DEPTOR: variants seen among roughly 807,000 people sequenced by gnomAD.
The protein encoded by DEPTOR is DEP domain-containing mTOR-interacting protein.
In DEPTOR, 41 loss-of-function variants were observed where a neutral mutation model predicts 41.6. That is an observed-to-expected ratio of 0.98 (90% CI 0.77 to 1.28). The LOEUF (loss-of-function observed/expected upper bound fraction) is 1.28, where lower values mean the gene tolerates loss of function less well. Ranked by LOEUF, DEPTOR falls within the 50% of genes most tolerant of loss-of-function variation. The pLI, the probability that DEPTOR is intolerant of heterozygous loss-of-function variation, is 0.00. For synonymous variants in DEPTOR, 195 were observed against 192.3 expected (o/e 1.01, Z -0.12); for missense variants, 514 against 527.9 (o/e 0.97, Z 0.26).
chr8:119,960,040 C>T (rs1828470338), intron 3 of DEPTOR, among the ~76,000 whole-genome samples: 1 of 151,808 alleles, frequency 6.6e-6, no homozygotes, highest in African/African-American at 2.4e-5. Context: ...CCAGCCTAGC[C>T]AACATGGTGA....
chr8:119,992,240 C>T (rs1047850640), intron 4 of DEPTOR, among the ~76,000 whole-genome samples: 3 of 152,194 alleles, frequency 2.0e-5, no homozygotes, highest in Non-Finnish European at 4.4e-5. Context: ...GCCCCAGCCA[C>T]CCTTGTGCAC....
chr8:119,982,464 G>A (rs1057269923), intron 4 of DEPTOR, among the ~76,000 whole-genome samples: 3 of 152,160 alleles, frequency 2.0e-5, no homozygotes, highest in Non-Finnish European at 4.4e-5. Flanking sequence ...ATGCTAGCTG[G>A]GTTGTGTTTA....
chr8:119,903,373 C>T (rs1267960626), intron 1 of DEPTOR, among the ~76,000 whole-genome samples: 1 of 152,194 alleles, frequency 6.6e-6, no homozygotes, highest in African/African-American at 2.4e-5. Flanking sequence ...GCTGGGATTA[C>T]AGGCGTGAGC....
chr8:120,029,335 C>CAAGGAGGGCAATATCTTATTAATTCAAA (rs1812849772), intron 8 of DEPTOR, among the ~76,000 whole-genome samples: 1 of 152,102 alleles, frequency 6.6e-6, no homozygotes, highest in Non-Finnish European at 1.5e-5. Flanking sequence ...GAGGAAGGTT[C>CAAGGAGGGCAATATCTTATTAATTCAAA]AAGGAGGGCA....
chr8:119,921,538 A>G (rs1827893634), intron 1 of DEPTOR, among the ~76,000 whole-genome samples: 3 of 152,138 alleles, frequency 2.0e-5, no homozygotes, highest in Non-Finnish European at 4.4e-5. Flanking sequence ...GTTCTAGGCT[A>G]TATCCTGGAT....
chr8:120,037,494 C>T (rs1812996277), intron 8 of DEPTOR, among the ~76,000 whole-genome samples: 1 of 152,200 alleles, frequency 6.6e-6, no homozygotes, highest in Non-Finnish European at 1.5e-5. Flanking sequence ...CCATCAGTCA[C>T]TGTGACAAAT....
intron 3 of DEPTOR, among the ~76,000 whole-genome samples, chr8:119,948,795 A>G (rs894383665): frequency 6.6e-6 from 1 of 150,548 alleles, no homozygotes; most frequent in Non-Finnish European, 1.5e-5. Flanking sequence ...ATTTTTATTT[A>G]TTTTTTTTTG....
At chr8:119,975,478 C>G (rs1294505321) in intron 4 of DEPTOR, among the ~76,000 whole-genome samples, 4 of 152,064 alleles carry the variant, frequency 2.6e-5, no homozygotes. Context: ...GATTTAGAGT[C>G]AAGGAGCACA....
At chr8:119,949,160 C>T (rs1390099539) in intron 3 of DEPTOR, among the ~76,000 whole-genome samples, 2 of 152,174 alleles carry the variant, frequency 1.3e-5, no homozygotes, top group African/African-American at 2.4e-5. Flanking sequence ...TCTTCTTTCA[C>T]TTGGTATAAT....
At chr8:119,952,853 T>C (rs768210846) in intron 3 of DEPTOR, among the ~76,000 whole-genome samples, 3 of 152,210 alleles carry the variant, frequency 2.0e-5, no homozygotes, top group Non-Finnish European at 4.4e-5. Context: ...GTGTCTGATA[T>C]GCAGGCTGGT....
intron 4 of DEPTOR, among the ~76,000 whole-genome samples, chr8:119,978,316 T>C (rs1170292681): frequency 6.6e-6 from 1 of 152,190 alleles, no homozygotes; most frequent in Non-Finnish European, 1.5e-5. Flanking sequence ...AAGTGGTCAT[T>C]TTCAGTGGGG....
intron 1 of DEPTOR, among the ~76,000 whole-genome samples, chr8:119,918,967 A>G (rs72673629): frequency 0.36 from 36,739 of 103,368 alleles, 5,500 homozygotes; most frequent in African/African-American, 0.56. Context: ...GTGTGTGTGT[A>G]TGTGTATGTG....
intron 4 of DEPTOR, among the ~76,000 whole-genome samples, chr8:119,987,047 A>C (rs1200872115): frequency 6.6e-6 from 1 of 151,940 alleles, no homozygotes. Context: ...TGTCAAACTC[A>C]TTCTCCATCC....
chr8:119,977,799 A>G (rs1563580107), intron 4 of DEPTOR, among the ~76,000 whole-genome samples: 1 of 152,152 alleles, frequency 6.6e-6, no homozygotes, highest in Non-Finnish European at 1.5e-5. Flanking sequence ...AGTGTTATGC[A>G]CACAGACGAG....
At chr8:119,896,419 G>A (rs1827520627) in intron 1 of DEPTOR, among the ~76,000 whole-genome samples, 1 of 152,204 alleles carries the variant, frequency 6.6e-6, no homozygotes, top group African/African-American at 2.4e-5. Flanking sequence ...GAGTGTGGCG[G>A]TCAGAGGCGG....
chr8:119,947,025 A>G (rs1672212579), intron 3 of DEPTOR, among the ~76,000 whole-genome samples: 1 of 152,290 alleles, frequency 6.6e-6, no homozygotes, highest in East Asian at 1.9e-4. Flanking sequence ...TCACTTGTTC[A>G]TGCTACTTTA....
intron 3 of DEPTOR, among the ~76,000 whole-genome samples, chr8:119,947,318 G>T (rs146680515): frequency 3.6e-4 from 55 of 152,232 alleles, no homozygotes; most frequent in African/African-American, 1.0e-3. Flanking sequence ...TTTCCTTCCT[G>T]TGCTAGGACA....
intron 4 of DEPTOR, among the ~76,000 whole-genome samples, chr8:119,979,375 C>T (rs1029270948): frequency 1.3e-5 from 2 of 151,990 alleles, no homozygotes; most frequent in East Asian, 3.9e-4. Flanking sequence ...CTCCCAAGCA[C>T]AAGCAATTTT....
At chr8:120,019,406 A>T (rs1338857003) in intron 8 of DEPTOR, among the ~76,000 whole-genome samples, 3 of 152,204 alleles carry the variant, frequency 2.0e-5, no homozygotes, top group African/African-American at 7.2e-5. Flanking sequence ...AGAACACAGA[A>T]CACATCTCTC....
Sources: allele counts gnomAD v4.1 joint callset (sites outside exome capture counted in the v4.1 genomes callset), GRCh38; gene constraint gnomAD v4.1.1; transcripts MANE v1.5; gene names NCBI Gene and HGNC (gene_info 2026-07-23, HGNC 2026-07-21).